The following FSTL4 variants were observed in gnomAD, a reference collection of about 807,000 sequenced individuals.
FSTL4 encodes the protein follistatin-related protein 4.
Under a neutral mutation model 78.2 loss-of-function variants are expected in FSTL4, and 28 were observed. The observed-to-expected ratio is 0.36, with a 90% CI of 0.27 to 0.49. The LOEUF is 0.49. FSTL4 is among the 20% of genes least tolerant of loss of function. The pLI is 0.98. For missense variants in FSTL4, 922 were observed against 1,084.9 expected (o/e 0.85, Z 2.11); for synonymous variants, 422 against 440.5 (o/e 0.96, Z 0.53).
chr5:133,319,962 C>T (rs1020898890), intron 4 of FSTL4, among the ~76,000 whole-genome samples: 2 of 152,226 alleles, frequency 1.3e-5, no homozygotes, highest in African/African-American at 4.8e-5. Context: ...CAGCCTGATG[C>T]TCAGAGCTCT....
At chr5:133,740,981 G>A in the FSTL4 span, among the ~76,000 whole-genome samples, 1 of 150,848 alleles carries the variant, frequency 6.6e-6, no homozygotes, top group Non-Finnish European at 1.5e-5. Flanking sequence ...GGATGGATGG[G>A]AGGGTGAATG....
At chr5:133,724,478 G>GT in the FSTL4 span, among the ~76,000 whole-genome samples, 1 of 8,696 alleles carries the variant, frequency 1.1e-4, no homozygotes, top group East Asian at 3.2e-3. Context: ...TTTATTCATT[G>GT]TTTTTTGTTT....
chr5:133,235,289 G>A (rs1751622383), intron 7 of FSTL4, among the ~76,000 whole-genome samples: 1 of 152,054 alleles, frequency 6.6e-6, no homozygotes, highest in Non-Finnish European at 1.5e-5. Flanking sequence ...AGACCAGCCT[G>A]GCCAACATGG....
chr5:133,499,709 G>C (rs1758449852), intron 3 of FSTL4, among the ~76,000 whole-genome samples: 1 of 152,038 alleles, frequency 6.6e-6, no homozygotes, highest in African/African-American at 2.4e-5. Flanking sequence ...TGGGGCCTCT[G>C]ACATGCTGCC....
the FSTL4 span, among the ~76,000 whole-genome samples, chr5:133,744,731 C>G: frequency 6.6e-6 from 1 of 152,032 alleles, no homozygotes; most frequent in Non-Finnish European, 1.5e-5. Flanking sequence ...AGGCATGCAC[C>G]GGACTAAGAT....
the FSTL4 span, among the ~76,000 whole-genome samples, chr5:133,838,758 A>G: frequency 9.8e-5 from 15 of 152,354 alleles, no homozygotes; most frequent in East Asian, 2.9e-3. Context: ...TCTATGGCAT[A>G]GTGTTGAAAG....
chr5:133,306,117 T>A (rs1005058147), intron 6 of FSTL4, among the ~76,000 whole-genome samples: 1 of 152,216 alleles, frequency 6.6e-6, no homozygotes, highest in Non-Finnish European at 1.5e-5. Flanking sequence ...TACAAACCCA[T>A]ATTCTATGCC....
chr5:133,551,766 T>C lies in FSTL4; in HGVS notation c.160+15420A>G, dbSNP rs138365188. ...ATAAATTAGAGCTATTCTGGTCTAC[T>C]GAGTACTGTAAATGTATATTTAGAT... On this transcript the variant is annotated intron_variant, in intron 3 of 15. Coordinates refer to ENST00000265342, the MANE Select transcript of FSTL4 (RefSeq NM_015082.2). Among the ~76,000 whole-genome samples the C allele has an allele frequency of 1.3e-3, 196 of 152,360 alleles. 1 individual carries two copies. Among genetic ancestry groups the C allele is most frequent in the African/African-American group, 4.4e-3 (182 of 41,582 alleles).
intron 4 of FSTL4, among the ~76,000 whole-genome samples, chr5:133,346,344 G>A (rs999891523): frequency 6.6e-6 from 1 of 152,116 alleles, no homozygotes; most frequent in African/African-American, 2.4e-5. Context: ...AACCACCATG[G>A]CACATGTACA....
chr5:133,493,880 C>T (rs929513099), intron 3 of FSTL4, among the ~76,000 whole-genome samples: 3 of 152,222 alleles, frequency 2.0e-5, no homozygotes, highest in South Asian at 2.1e-4. Flanking sequence ...GTCCTTCTGC[C>T]GGATATTGAA....
At chr5:133,215,499 C>T (rs989387614) in intron 13 of FSTL4, among the ~76,000 whole-genome samples, 1 of 151,840 alleles carries the variant, frequency 6.6e-6, no homozygotes, top group Non-Finnish European at 1.5e-5. Flanking sequence ...CCAATCTGCT[C>T]CCTGCCTTGC....
intron 13 of FSTL4, among the ~76,000 whole-genome samples, chr5:133,213,845 G>C (rs1450040257): frequency 6.6e-6 from 1 of 152,062 alleles, no homozygotes; most frequent in Non-Finnish European, 1.5e-5. Flanking sequence ...CCAACTACAC[G>C]TGGCTTTATA....
In FSTL4 at chr5:133,420,558, T is replaced by C. The variant is rs778788077; in HGVS notation, c.161-19572A>G. Among the ~76,000 whole-genome samples, 31 of 152,198 alleles carry C rather than the reference T, an allele frequency of 2.0e-4. 1 individual carries two copies. The highest frequency in any genetic ancestry group is 4.6e-4 in the Non-Finnish European group (31 of 68,038). On this transcript the variant is annotated intron_variant, in intron 3 of 15. Transcript: ENST00000265342. Reference sequence around the variant, plus strand: ...AGGGGCTCTGACCCACTCTAGGCTCTGAAGATGAAGGGGGCTCTCAGGCAG... The same window carrying C: ...AGGGGCTCTGACCCACTCTAGGCTCCGAAGATGAAGGGGGCTCTCAGGCAG...
At chr5:133,384,451 T>TGACTTGTAATTCTGCTTAGAC (rs1278675891) in intron 4 of FSTL4, among the ~76,000 whole-genome samples, 2 of 152,230 alleles carry the variant, frequency 1.3e-5, no homozygotes, top group Non-Finnish European at 2.9e-5. Context: ...CTCGCTGAGA[T>TGACTTGTAATTCTGCTTAGAC]GACTTGTACT....
the FSTL4 span, among the ~76,000 whole-genome samples, chr5:133,740,826 A>G: frequency 6.6e-6 from 1 of 152,210 alleles, no homozygotes; most frequent in Non-Finnish European, 1.5e-5. Flanking sequence ...AACGGCATCC[A>G]CCCTGGTAGA....
rs114612612 is a variant in FSTL4 at position 133,283,945 on chromosome 5, G to A, written c.727+28709C>T. 5.6e-3 allele frequency among the ~76,000 whole-genome samples: 859 copies of A among 152,258 alleles called. 2 individuals carry two copies. The highest frequency in any genetic ancestry group is 0.019 in the African/African-American group (806 of 41,538). On this transcript the variant is annotated intron_variant, in intron 6 of 15. Transcript: ENST00000265342. ...AGAGCAGGAGAGAAAGAGCAAAGGCGGAAGTGCTACACACTTTGAAAACAT... is the reference window on the plus strand; with the variant it reads ...AGAGCAGGAGAGAAAGAGCAAAGGCAGAAGTGCTACACACTTTGAAAACAT...
intron 4 of FSTL4, among the ~76,000 whole-genome samples, chr5:133,337,106 G>T (rs1049469602): frequency 1.3e-5 from 2 of 152,252 alleles, no homozygotes; most frequent in Non-Finnish European, 2.9e-5. Context: ...CACAGTGCTC[G>T]ATTTGGGATA....
intron 6 of FSTL4, among the ~76,000 whole-genome samples, chr5:133,296,924 G>A (rs1308717610): frequency 1.3e-5 from 2 of 152,172 alleles, no homozygotes; most frequent in Non-Finnish European, 2.9e-5. Flanking sequence ...TTCACCTGCA[G>A]GCCTGCCTTG....
At chr5:133,529,260 T>G (rs1382825924) in intron 3 of FSTL4, among the ~76,000 whole-genome samples, 2 of 152,206 alleles carry the variant, frequency 1.3e-5, no homozygotes, top group African/African-American at 4.8e-5. Context: ...GATAAATGAC[T>G]TGCCCAAAAT....
Sources: allele counts gnomAD v4.1 joint callset (sites outside exome capture counted in the v4.1 genomes callset), GRCh38; gene constraint gnomAD v4.1.1; transcripts MANE v1.5; gene names NCBI Gene and HGNC (gene_info 2026-07-23, HGNC 2026-07-21).